Variants in SYNE1 observed in about 807,000 individuals in gnomAD.
SYNE1 encodes spectrin repeat containing nuclear envelope protein 1.
Under a neutral mutation model 1,111.0 loss-of-function variants are expected in SYNE1, and 616 were observed. The observed-to-expected ratio is 0.55, with a 90% CI of 0.52 to 0.59. The LOEUF is 0.59. Ranked by LOEUF, SYNE1 falls within the 20% of genes least tolerant of loss-of-function variation. The pLI is 0.00. For synonymous variants in SYNE1, 3,855 were observed against 3,825.8 expected (o/e 1.01, Z -0.28); for missense variants, 10,006 against 10,417.0 (o/e 0.96, Z 1.72).
intron 145 of SYNE1, chr6:152,128,012 T>C (rs1436855562): frequency 1.3e-5 from 2 of 152,240 alleles, no homozygotes; most frequent in African/African-American, 4.8e-5. Flanking sequence ...TTTACAATTC[T>C]AAGCTTTAGA....
intron 53 of SYNE1, among the ~76,000 whole-genome samples, chr6:152,389,578 G>C (rs1200160958): frequency 6.6e-6 from 1 of 152,142 alleles, no homozygotes; most frequent in Non-Finnish European, 1.5e-5. Flanking sequence ...TCTGAGAAGA[G>C]GGAGGTAGGG....
At chr6:152,596,382 A>G (rs556057860) in intron 3 of SYNE1, among the ~76,000 whole-genome samples, 1 of 150,730 alleles carries the variant, frequency 6.6e-6, no homozygotes, top group Admixed American at 6.6e-5. Context: ...GAGCATCCTG[A>G]GTAGCTGGGA....
At chr6:152,338,725 A>G (rs1396354210) in intron 75 of SYNE1, among the ~76,000 whole-genome samples, 1 of 152,224 alleles carries the variant, frequency 6.6e-6, no homozygotes, top group African/African-American at 2.4e-5. Context: ...CAGTGCTGCC[A>G]TCTGTCTGTG....
chr6:152,502,522 G>A, intron 10 of SYNE1, 111 bp downstream of exon 10: 1 of 806,752 alleles, frequency 1.2e-6, no homozygotes, highest in Non-Finnish European at 2.1e-6. Context: ...AAAATCAGTT[G>A]GTCTCATATT....
At chr6:152,212,093 T>C (rs1468637641) in intron 123 of SYNE1, among the ~76,000 whole-genome samples, 1 of 152,148 alleles carries the variant, frequency 6.6e-6, no homozygotes, top group African/African-American at 2.4e-5. Context: ...GTCCTTCGAA[T>C]TATTTCTACT....
chr6:152,354,990 G>T lies in SYNE1; in HGVS notation c.10609-14C>A. ...TACCTGTAGCTCCTGCAGAGAAAAAGGTATGGCTGTCACTCTCAATCATAT... is the reference window on the plus strand; with the variant it reads ...TACCTGTAGCTCCTGCAGAGAAAAATGTATGGCTGTCACTCTCAATCATAT... On this transcript the variant is annotated splice_polypyrimidine_tract_variant and intron_variant, in intron 66 of 145. Coordinates refer to ENST00000367255, the MANE Select transcript of SYNE1 (RefSeq NM_182961.4). 1 of 1,612,790 alleles carries T rather than the reference G, an allele frequency of 6.2e-7. No homozygotes were observed. The highest frequency in any genetic ancestry group is 8.5e-7 in the Non-Finnish European group (1 of 1,180,014).
chr6:152,149,404 T>C lies in SYNE1; in HGVS notation c.24642+73A>G, dbSNP rs148748616. On this transcript the variant is annotated intron_variant, in intron 136 of 145. Coordinates refer to ENST00000367255, the MANE Select transcript of SYNE1 (RefSeq NM_182961.4). ...CCAGAGTCTGAGCTCTCACCCACTA[T>C]CAATACAACCCAATCCCACACGACT... 110 of 1,578,658 alleles carry C rather than the reference T, an allele frequency of 7.0e-5. 1 individual carries two copies. In the East Asian group the frequency reaches 2.4e-3, roughly 34 times the overall value.
At chr6:152,255,206 C>T in intron 103 of SYNE1, 117 bp from the exon 104 acceptor site, 2 of 903,608 alleles carry the variant, frequency 2.2e-6, no homozygotes, top group East Asian at 2.6e-5. Flanking sequence ...AATAATCAGA[C>T]CTAAGACAAC....
Position 152,396,654 on chromosome 6 carries a change from C to T in SYNE1, c.7556+121G>A, listed in dbSNP as rs1457157058. 4 of 998,752 alleles carry T rather than the reference C, an allele frequency of 4.0e-6. No individual in the cohort carries two copies. In the Admixed American group the frequency reaches 7.5e-5, roughly 19 times the overall value. 61.9% of individuals were successfully genotyped at this position (998,752 alleles called of 1,614,324 possible). Reference sequence around the variant, plus strand: ...GTATCACCTGTATTTATGATCAAAGCTTATTATAATTTAAACTCACAGTGT... The same window carrying T: ...GTATCACCTGTATTTATGATCAAAGTTTATTATAATTTAAACTCACAGTGT... On this transcript the variant is annotated intron_variant, in intron 50 of 145. Coordinates refer to ENST00000367255, the MANE Select transcript of SYNE1 (RefSeq NM_182961.4).
At position 152,442,157 on chromosome 6, in the gene SYNE1, C is replaced by T. The variant is rs1376716993; in HGVS notation, c.3926G>A (p.Arg1309Gln). 1.9e-6 allele frequency: 3 copies of T among 1,613,862 alleles called. No individual in the cohort carries two copies. Among genetic ancestry groups the T allele is most frequent in the Non-Finnish European group, 2.5e-6 (3 of 1,180,038 alleles). Residue 1309 changes from arginine to glutamine, a missense_variant, in exon 31 of 146, where the codon CGA becomes CAA. This residue lies in a region of SYNE1 where 1,971 missense variants were observed against 2,084.1 expected (regional missense o/e 0.95). Coordinates refer to ENST00000367255, the MANE Select transcript of SYNE1 (RefSeq NM_182961.4). ...AQQGEGGLPD[R>Q]GHEELRKLES... is the part of the protein sequence containing the mutation. ...CAGCTTCCGCAGCTCCTCGTGGCCT[C>T]GGTCAGGCAGCCCCCCTTCTCCCTG...
intron 8 of SYNE1, among the ~76,000 whole-genome samples, chr6:152,506,258 C>T (rs906263335): frequency 6.6e-6 from 1 of 152,054 alleles, no homozygotes; most frequent in Non-Finnish European, 1.5e-5. Flanking sequence ...GTTCCGAAAA[C>T]AGAGTTGTAA....
At chr6:152,530,775 C>T (rs1456244961) in intron 4 of SYNE1, among the ~76,000 whole-genome samples, 1 of 152,048 alleles carries the variant, frequency 6.6e-6, no homozygotes, top group Non-Finnish European at 1.5e-5. Context: ...GCGCCCACCA[C>T]CACACCCAGC....
intron 73 of SYNE1, 53 bp from the exon 74 acceptor site, chr6:152,344,280 A>C (rs1382610220): frequency 1.2e-6 from 2 of 1,611,412 alleles, no homozygotes; most frequent in African/African-American, 2.7e-5. Context: ...TACCTCTATA[A>C]AGATCATTCA....
chr6:152,599,756 C>T (rs933912275), intron 3 of SYNE1, among the ~76,000 whole-genome samples: 11 of 152,164 alleles, frequency 7.2e-5, no homozygotes, highest in African/African-American at 2.4e-4. Flanking sequence ...CTTTACATTG[C>T]TATGTCTTCT....
intron 25 of SYNE1, among the ~76,000 whole-genome samples, chr6:152,452,506 A>C (rs2098659556): frequency 6.6e-6 from 1 of 152,190 alleles, no homozygotes. Flanking sequence ...TTTCTTGTGC[A>C]CAGGGATAAT....
intron 87 of SYNE1, among the ~76,000 whole-genome samples, chr6:152,313,418 G>A (rs1404519190): frequency 6.6e-6 from 1 of 150,708 alleles, no homozygotes; most frequent in African/African-American, 2.4e-5. Context: ...AGTCACTCTG[G>A]TTCTCACATC....
intron 21 of SYNE1, among the ~76,000 whole-genome samples, chr6:152,461,003 G>A (rs997110448): frequency 7.9e-5 from 12 of 151,718 alleles, no homozygotes; most frequent in Admixed American, 7.2e-4. Context: ...AAGTAGAGAC[G>A]ATGTTTCATC....
chr6:152,467,342 T>A (rs186149802), intron 16 of SYNE1, among the ~76,000 whole-genome samples: 39 of 152,198 alleles, frequency 2.6e-4, no homozygotes, highest in African/African-American at 9.1e-4. Flanking sequence ...AAAAGAATAA[T>A]TTACTAGAAT....
In SYNE1 at chr6:152,390,400, C is replaced by T. The variant is rs1591716747; in HGVS notation, c.8057G>A (p.Gly2686Asp). ...ACTTCTCAAGGCCTGTTCCCCCTTG[C>T]CAATGGCCATATTCAACTTAACTTC... ...EGEVKLNMAI[G>D]KGEQALRSSN... Residue 2686 changes from glycine to aspartate, a missense_variant, in exon 53 of 146, where the codon GGC (glycine) becomes GAC (aspartate). This residue lies in a region of SYNE1 where 4,955 missense variants were observed against 5,017.2 expected (regional missense o/e 0.99). Transcript: ENST00000367255. 6.2e-7 allele frequency: 1 copy of T among 1,614,116 alleles called. No individual in the cohort carries two copies. The highest frequency in any genetic ancestry group is 8.5e-7 in the Non-Finnish European group (1 of 1,180,010).
Sources: gnomAD v4.1 joint callset for allele counts (sites outside exome capture counted in the v4.1 genomes callset) on GRCh38, gnomAD v4.1.1 for gene constraint, gnomAD v4.1.1 regional missense constraint, MANE v1.5 for transcripts, NCBI Gene and HGNC (gene_info 2026-07-23, HGNC 2026-07-21) for gene names.